MARCHF1: variants seen among roughly 807,000 people sequenced by gnomAD.
The protein encoded by MARCHF1 is membrane associated ring-CH-type finger 1, also known as E3 ubiquitin-protein ligase MARCHF1.
In MARCHF1, 40 loss-of-function variants were observed where a neutral mutation model predicts 54.2. That is an observed-to-expected ratio of 0.74 (90% confidence interval 0.57 to 0.96). MARCHF1 has a LOEUF of 0.96. MARCHF1 is among the 40% of genes least tolerant of loss of function. The pLI is 0.00. For synonymous variants in MARCHF1, 236 were observed against 236.3 expected (o/e 1.00, Z 0.01); for missense variants, 586 against 656.5 (o/e 0.89, Z 1.17).
intron 1 of MARCHF1, among the ~76,000 whole-genome samples, chr4:164,361,315 T>C (rs1730717207): frequency 1.3e-5 from 2 of 152,224 alleles, no homozygotes; most frequent in South Asian, 2.1e-4. Context: ...CCCACAGTTA[T>C]TCGAAGCTCA....
chr4:164,173,564 G>A (rs775532342), intron 1 of MARCHF1, among the ~76,000 whole-genome samples: 5 of 152,146 alleles, frequency 3.3e-5, no homozygotes, highest in Non-Finnish European at 7.4e-5. Context: ...GGAGGTGTTT[G>A]GGTCATGGGG....
At chr4:163,743,803 T>C (rs1011494350) in intron 4 of MARCHF1, among the ~76,000 whole-genome samples, 1 of 152,186 alleles carries the variant, frequency 6.6e-6, no homozygotes, top group Non-Finnish European at 1.5e-5. Flanking sequence ...AGATACACCA[T>C]CTTTTGCTAT....
At chr4:164,275,217 G>T (rs1425987708) in intron 1 of MARCHF1, among the ~76,000 whole-genome samples, 1 of 152,028 alleles carries the variant, frequency 6.6e-6, no homozygotes, top group Non-Finnish European at 1.5e-5. Context: ...GGGAGCATGG[G>T]TCATTAATCT....
chr4:164,082,360 C>T (rs2111115788), intron 2 of MARCHF1, among the ~76,000 whole-genome samples: 1 of 152,258 alleles, frequency 6.6e-6, no homozygotes, highest in African/African-American at 2.4e-5. Flanking sequence ...TTACAGGCCC[C>T]ATTATAACTT....
At chr4:163,889,294 T>C (rs1750603902) in intron 3 of MARCHF1, among the ~76,000 whole-genome samples, 1 of 152,116 alleles carries the variant, frequency 6.6e-6, no homozygotes, top group Non-Finnish European at 1.5e-5. Context: ...ATTCTTTTCA[T>C]CTCCACTCTT....
chr4:164,304,013 A>G (rs1456601026), intron 1 of MARCHF1, among the ~76,000 whole-genome samples: 2 of 152,238 alleles, frequency 1.3e-5, no homozygotes, highest in African/African-American at 2.4e-5. Flanking sequence ...AATACCTTCC[A>G]AACAGACTAC....
chr4:164,220,856 TAAATA>T (rs1287006320), intron 1 of MARCHF1, among the ~76,000 whole-genome samples: 1 of 151,026 alleles, frequency 6.6e-6, no homozygotes, highest in Non-Finnish European at 1.5e-5. Flanking sequence ...TCAGTTATCA[TAAATA>T]AAATACATTT....
chr4:164,159,175 G>T (rs1433589455), intron 1 of MARCHF1, among the ~76,000 whole-genome samples: 1 of 152,206 alleles, frequency 6.6e-6, no homozygotes, highest in Non-Finnish European at 1.5e-5. Context: ...ATGTTTTAAG[G>T]CTAATCTAAC....
intron 1 of MARCHF1, among the ~76,000 whole-genome samples, chr4:164,217,206 C>A (rs1270694182): frequency 1.3e-5 from 2 of 152,124 alleles, no homozygotes; most frequent in African/African-American, 4.8e-5. Flanking sequence ...TTATGATTAA[C>A]CCATTTTTCT....
intron 2 of MARCHF1, among the ~76,000 whole-genome samples, chr4:164,046,034 G>A (rs761701289): frequency 6.6e-6 from 1 of 152,112 alleles, no homozygotes; most frequent in Non-Finnish European, 1.5e-5. Flanking sequence ...AGAGTAGCCT[G>A]GGTATGATCA....
intron 1 of MARCHF1, among the ~76,000 whole-genome samples, chr4:164,309,254 CTGTGTGTG>C (rs10577361): frequency 2.6e-4 from 39 of 147,956 alleles, no homozygotes; most frequent in African/African-American, 3.7e-4. Flanking sequence ...AATTTCTAAC[CTGTGTGTG>C]TGTGTGTGTG....
intron 4 of MARCHF1, among the ~76,000 whole-genome samples, chr4:163,823,492 T>C (rs1748757510): frequency 6.6e-6 from 1 of 151,884 alleles, no homozygotes; most frequent in South Asian, 2.1e-4. Flanking sequence ...AGAAGGTATG[T>C]ATTAGAATAT....
intron 3 of MARCHF1, among the ~76,000 whole-genome samples, chr4:163,887,439 A>T (rs1750563430): frequency 6.6e-6 from 1 of 152,112 alleles, no homozygotes; most frequent in Non-Finnish European, 1.5e-5. Context: ...AGTGTCCCAG[A>T]GTTTGCTACT....
At chr4:163,804,731 T>G (rs1041232022) in intron 4 of MARCHF1, among the ~76,000 whole-genome samples, 4 of 152,156 alleles carry the variant, frequency 2.6e-5, no homozygotes, top group African/African-American at 9.7e-5. Context: ...AGCCAAAATT[T>G]ATGCAAATGC....
In MARCHF1 at chr4:163,895,888, AG is replaced by A. The variant is rs1295600710; in HGVS notation, c.-38-41720del. ...GACTCTCTCATTTGCTCAGTCATGC[AG>A]TAAGCATGACCCCCCCACTGCCCCA... On this transcript the variant is annotated intron_variant, in intron 3 of 9. Transcript: ENST00000514618. Among the ~76,000 whole-genome samples, 8 of 152,254 alleles carry A rather than the reference AG, an allele frequency of 5.3e-5. No homozygotes were observed. The East Asian group carries it at 1.4e-3, about 26-fold the overall frequency.
chr4:164,295,351 T>C (rs1213096892), intron 1 of MARCHF1, among the ~76,000 whole-genome samples: 1 of 152,056 alleles, frequency 6.6e-6, no homozygotes, highest in Non-Finnish European at 1.5e-5. Flanking sequence ...CATCTGCTGT[T>C]TTTCAAGGGC....
chr4:163,984,176 G>A (rs909390366), intron 3 of MARCHF1, among the ~76,000 whole-genome samples: 2 of 151,892 alleles, frequency 1.3e-5, no homozygotes, highest in Non-Finnish European at 2.9e-5. Flanking sequence ...GCTATCATTG[G>A]AAAGGCAAGT....
Position 164,151,350 on chromosome 4 carries a change from A to C in MARCHF1, c.-322-39688T>G, listed in dbSNP as rs148156755. On this transcript the variant is annotated intron_variant, in intron 1 of 9. Coordinates refer to ENST00000514618, the MANE Select transcript of MARCHF1 (RefSeq NM_001394959.1). ...TAAGTTCAAAATTACGGAAACTACC[A>C]CCAGTGCCATCAGTTGAGTGGTGAC... Among the ~76,000 whole-genome samples the C allele has an allele frequency of 5.9e-3, 895 of 152,292 alleles. 9 individuals are homozygous for C. Among genetic ancestry groups the C allele is most frequent in the African/African-American group, 0.021 (854 of 41,570 alleles).
intron 5 of MARCHF1, 123 bp from the exon 6 acceptor site, chr4:163,613,516 T>C (rs1240558673): frequency 1.2e-6 from 2 of 1,605,040 alleles, no homozygotes; most frequent in Non-Finnish European, 1.7e-6. Flanking sequence ...TTGCTTATAA[T>C]GCAGAACAGA....
Sources: allele counts gnomAD v4.1 joint callset (sites outside exome capture counted in the v4.1 genomes callset), GRCh38; gene constraint gnomAD v4.1.1; transcripts MANE v1.5; gene names NCBI Gene and HGNC (gene_info 2026-07-23, HGNC 2026-07-21).